The following ATAD5 variants were observed in gnomAD, a reference collection of about 807,000 sequenced individuals.
ATAD5 encodes the protein ATPase family AAA domain-containing protein 5.
Under a neutral mutation model 176.9 loss-of-function variants are expected in ATAD5, and 58 were observed. That is an observed-to-expected ratio of 0.33 (90% CI 0.27 to 0.41). The LOEUF is 0.41. Among genes scored for constraint, ATAD5 ranks in the 10% least tolerant of loss-of-function variants. The pLI is 1.00. For missense variants in ATAD5, 1,789 were observed against 2,094.1 expected, an observed-to-expected ratio of 0.85 and a Z score of 2.84; for synonymous variants, 640 against 712.6, an observed-to-expected ratio of 0.90 and a Z score of 1.62.
In ATAD5 at chr17:30,893,438, T is replaced by A. The variant is rs757137125; in HGVS notation, c.4585T>A (p.Cys1529Ser). ...VDTIPETKNF[C>S]GPSVTVDASA... ...TACCATTCCAGAAACTAAAAACTTT[T>A]GTGGCCCATCAGTAACTGTGGATGC... The change falls in exon 21 of 23, where the codon TGT becomes AGT. Residue 1529 changes from cysteine to serine, a missense_variant. Physicochemically the swap from Cys to Ser is moderately radical, Grantham distance 112 (BLOSUM62 -1). This residue lies in a region of ATAD5 where 403 missense variants were observed against 495.1 expected (regional missense o/e 0.81). Transcript: ENST00000321990. The A allele has an allele frequency of 6.2e-7, 1 of 1,613,930 alleles. No individual in the cohort carries two copies. Among genetic ancestry groups the A allele is most frequent in the Non-Finnish European group, 8.5e-7 (1 of 1,179,898 alleles).
chr17:30,865,843 T>C (rs1477973950), intron 11 of ATAD5, 43 bp downstream of exon 11: 19 of 1,296,482 alleles, frequency 1.5e-5, no homozygotes, highest in Non-Finnish European at 2.0e-5. Flanking sequence ...TTTACAAACT[T>C]AGTTTTACTG....
In ATAD5 at chr17:30,894,766, G is replaced by A. The variant is rs553448857; in HGVS notation, c.5456+44G>A. On this transcript the variant is annotated intron_variant, in intron 22 of 22. Coordinates refer to ENST00000321990, the MANE Select transcript of ATAD5 (RefSeq NM_024857.5). ...ACAACATTTTAGATAGCTTTTTCAA[G>A]ATTAATACATATTTTCATAAGATGA... 2.2e-5 allele frequency: 34 copies of A among 1,561,018 alleles called. No individual in the cohort carries two copies. The South Asian group carries it at 3.3e-4, about 15-fold the overall frequency.
At chr17:30,888,805 C>T (rs1315007931) in intron 19 of ATAD5, among the ~76,000 whole-genome samples, 2 of 151,928 alleles carry the variant, frequency 1.3e-5, no homozygotes, top group African/African-American at 4.8e-5. Context: ...CAGTGGCTCA[C>T]GCCTGTAATC....
intron 6 of ATAD5, among the ~76,000 whole-genome samples, chr17:30,846,743 G>A (rs1427889799): frequency 7.2e-6 from 1 of 139,516 alleles, no homozygotes; most frequent in Non-Finnish European, 1.5e-5. Flanking sequence ...TTTTTGAGAC[G>A]GAGTTTCGCT....
At chr17:30,862,328 C>T (rs1333965362) in intron 10 of ATAD5, among the ~76,000 whole-genome samples, 2 of 148,692 alleles carry the variant, frequency 1.3e-5, no homozygotes, top group African/African-American at 2.5e-5. Flanking sequence ...AGCAAGACTC[C>T]GTCTAGGGGG....
chr17:30,869,471 G>T (rs199830827), intron 13 of ATAD5, 25 bp from the exon 14 acceptor site: 18 of 1,609,200 alleles, frequency 1.1e-5, no homozygotes, highest in Admixed American at 1.7e-5. Context: ...TTCTCCCTTC[G>T]TTTTTTCTTA....
At chr17:30,836,644 G>A (rs187698210) in intron 2 of ATAD5, among the ~76,000 whole-genome samples, 4 of 151,814 alleles carry the variant, frequency 2.6e-5, no homozygotes, top group East Asian at 1.9e-4. Flanking sequence ...CTCAGCTCAC[G>A]ACAACCTCCA....
intron 18 of ATAD5, among the ~76,000 whole-genome samples, chr17:30,880,608 C>CA (rs199862765): frequency 0.19 from 14,629 of 78,840 alleles, 857 homozygotes; most frequent in South Asian, 0.34. Context: ...AACTACATCT[C>CA]AAAAAAAAAA....
At chr17:30,891,080 ATGTC>A (rs1909613351) in intron 19 of ATAD5, among the ~76,000 whole-genome samples, 1 of 152,152 alleles carries the variant, frequency 6.6e-6, no homozygotes, top group East Asian at 1.9e-4. Context: ...ATCCTTGAAA[ATGTC>A]TGTAATATTG....
At chr17:30,851,229 G>A (rs1906942011) in intron 6 of ATAD5, among the ~76,000 whole-genome samples, 1 of 149,106 alleles carries the variant, frequency 6.7e-6, no homozygotes, top group Admixed American at 6.7e-5. Context: ...GGGTGCGGTG[G>A]CTCACATCTA....
chr17:30,872,169 C>G (rs1908372736), intron 14 of ATAD5, among the ~76,000 whole-genome samples: 2 of 152,164 alleles, frequency 1.3e-5, no homozygotes, highest in South Asian at 4.1e-4. Flanking sequence ...CCTGCCTTGG[C>G]CTCCCGTAGT....
intron 14 of ATAD5, chr17:30,869,859 C>A: frequency 1.9e-6 from 1 of 534,550 alleles, no homozygotes; most frequent in Non-Finnish European, 3.2e-6. Flanking sequence ...CTGATAAGGA[C>A]TTTTAAAAAA....
intron 19 of ATAD5, among the ~76,000 whole-genome samples, chr17:30,890,634 G>A (rs996280998): frequency 5.3e-5 from 8 of 150,918 alleles, no homozygotes; most frequent in African/African-American, 1.9e-4. Context: ...AGTTAGCCAG[G>A]ATGGTCCCGA....
chr17:30,849,576 A>G (rs1906742171), intron 6 of ATAD5, among the ~76,000 whole-genome samples: 2 of 152,044 alleles, frequency 1.3e-5, no homozygotes. Flanking sequence ...TCTTGTGATT[A>G]TTGGCCTTTT....
rs2142292973 is a variant in ATAD5, at chr17:30,832,373, C to G, written c.26C>G (p.Ala9Gly). 6.4e-7 allele frequency: 1 copy of G among 1,563,470 alleles called. No homozygotes were observed. Among genetic ancestry groups the G allele is most frequent in the Non-Finnish European group, 8.7e-7 (1 of 1,153,690 alleles). The change falls in exon 1 of 23, where the codon GCT (alanine) becomes GGT (glycine). Residue 9 changes from alanine (A) to glycine (G), a missense_variant. Coordinates refer to ENST00000321990, the MANE Select transcript of ATAD5 (RefSeq NM_024857.5). MVGVLAMAAAAAPPPVKDC... is the reference protein window; with the variant it reads MVGVLAMAGAAAPPPVKDC... Reference sequence around the variant, plus strand: ...ATGGTGGGGGTCCTGGCCATGGCGGCTGCAGCTGCTCCGCCTCCCGTGAAG... The same window carrying G: ...ATGGTGGGGGTCCTGGCCATGGCGGGTGCAGCTGCTCCGCCTCCCGTGAAG...
At chr17:30,839,024 C>T (rs555976192) in intron 3 of ATAD5, among the ~76,000 whole-genome samples, 83 of 152,162 alleles carry the variant, frequency 5.5e-4, no homozygotes, top group African/African-American at 1.7e-3. Flanking sequence ...CAGGGTCTTG[C>T]TATTTTGCCC....
chr17:30,837,368 A>G, intron 3 of ATAD5, 54 bp downstream of exon 3: 1 of 1,190,598 alleles, frequency 8.4e-7, no homozygotes. Flanking sequence ...CTTAAAAAAC[A>G]AACAAAAAAC....
intron 18 of ATAD5, among the ~76,000 whole-genome samples, chr17:30,884,167 T>G (rs1294819328): frequency 2.0e-5 from 3 of 148,506 alleles, no homozygotes; most frequent in Non-Finnish European, 3.0e-5. Context: ...GTGACCGGCT[T>G]TTTTTTTTTT....
intron 17 of ATAD5, among the ~76,000 whole-genome samples, chr17:30,878,723 T>TTTGTTTTTTG (rs1471076094): frequency 1.5e-4 from 12 of 82,550 alleles, no homozygotes; most frequent in African/African-American, 7.1e-4. Context: ...GTGGTGTTTT[T>TTTGTTTTTTG]TTTTTTTTTT....
Sources: gnomAD v4.1 joint callset for allele counts (sites outside exome capture counted in the v4.1 genomes callset) on GRCh38, gnomAD v4.1.1 for gene constraint, gnomAD v4.1.1 regional missense constraint, MANE v1.5 for transcripts, NCBI Gene and HGNC (gene_info 2026-07-23, HGNC 2026-07-21) for gene names.